CFAP92: variants seen among roughly 807,000 people sequenced by gnomAD.
CFAP92 encodes the protein cilia and flagella associated protein 92 (putative).
In CFAP92, 86 loss-of-function variants were observed where a neutral mutation model predicts 106.3. That is an observed-to-expected ratio of 0.81 (90% CI 0.68 to 0.97). CFAP92 has a LOEUF of 0.97. Among genes scored for constraint, CFAP92 ranks in the 50% least tolerant of loss-of-function variants. The pLI is 0.00. For synonymous variants in CFAP92, 477 were observed against 506.4 expected (o/e 0.94, Z 0.78); for missense variants, 1,204 against 1,283.8 (o/e 0.94, Z 0.95).
intron 2 of CFAP92, 65 bp from the exon 3 acceptor site, chr3:128,988,983 A>C: frequency 8.0e-7 from 1 of 1,248,456 alleles, no homozygotes; most frequent in South Asian, 1.4e-5. Flanking sequence ...CCGTCTCCCC[A>C]GTTCCCTGGA....
Position 128,945,495 on chromosome 3 carries a change from T to G in CFAP92, c.1834A>C (p.Arg612=). 6.5e-7 allele frequency: 1 copy of G among 1,536,132 alleles called. No individual in the cohort carries two copies. Among genetic ancestry groups the G allele is most frequent in the Non-Finnish European group, 8.7e-7 (1 of 1,146,902 alleles). ...ATTGGGCCGTGCTGGTGGCCATCTC[T>G]GGGGACCCCAAGCCCCACAACCTTC... is the stretch of plus-strand genomic sequence containing the variant. ...RRKVVGLGVP[R]DGHQHGPMPR... is the part of the protein sequence containing the mutation. Residue 612 remains arginine (R), a synonymous_variant, in exon 10 of 16, where the codon AGA becomes CGA. Transcript: ENST00000645291.
chr3:128,922,781 A>G (rs998128965), intron 12 of CFAP92, among the ~76,000 whole-genome samples: 1 of 152,228 alleles, frequency 6.6e-6, no homozygotes, highest in African/African-American at 2.4e-5. Flanking sequence ...CTATCAATTT[A>G]TGAGGTAGAG....
At chr3:128,927,407 T>C (rs1228641680) in intron 12 of CFAP92, among the ~76,000 whole-genome samples, 3 of 151,986 alleles carry the variant, frequency 2.0e-5, no homozygotes, top group African/African-American at 4.8e-5. Flanking sequence ...GGTTGTAAGA[T>C]ACAAGATCAA....
In CFAP92 at chr3:128,935,200, G is replaced by A. The variant is rs1049989092; in HGVS notation, c.2378C>T (p.Thr793Met). Residue 793 changes from threonine (T) to methionine (M), a missense_variant, in exon 11 of 16, where the codon ACG becomes ATG. By Grantham distance (81) the Thr-to-Met change is moderately conservative. Transcript: ENST00000645291. ...CACCGCCTGCTGCAGCAGCAGCTCC[G>A]TGGGCTGGAAGAGGTGCACGTGGTA... ...ILYHVHLFQP[T>M]ELLLQQAVFF... is the part of the protein sequence containing the mutation. 2.0e-5 allele frequency: 31 copies of A among 1,536,080 alleles called. No individual in the cohort carries two copies. Among genetic ancestry groups the A allele is most frequent in the African/African-American group, 5.5e-5 (4 of 73,184 alleles).
the CFAP92 span, among the ~76,000 whole-genome samples, chr3:129,020,124 C>T: frequency 6.6e-6 from 1 of 151,936 alleles, no homozygotes; most frequent in Non-Finnish European, 1.5e-5. Context: ...ACGATGCAGG[C>T]CAGATTAAAA....
the CFAP92 span, among the ~76,000 whole-genome samples, chr3:129,026,435 A>G: frequency 6.6e-6 from 1 of 152,206 alleles, no homozygotes; most frequent in African/African-American, 2.4e-5. Context: ...TGTATTCACA[A>G]TTCCAGCCGC....
chr3:128,923,294 C>T (rs570386490), intron 12 of CFAP92, among the ~76,000 whole-genome samples: 1 of 152,260 alleles, frequency 6.6e-6, no homozygotes, highest in African/African-American at 2.4e-5. Flanking sequence ...GAATGAGGAC[C>T]GACTGGAGTC....
At chr3:128,976,538 A>G (rs1943169682) in intron 6 of CFAP92, among the ~76,000 whole-genome samples, 1 of 152,168 alleles carries the variant, frequency 6.6e-6, no homozygotes, top group Admixed American at 6.5e-5. Flanking sequence ...CCTTGTCCCC[A>G]TAGCATCCAA....
At chr3:128,974,662 A>G (rs1418306039) in intron 7 of CFAP92, among the ~76,000 whole-genome samples, 1 of 151,994 alleles carries the variant, frequency 6.6e-6, no homozygotes, top group African/African-American at 2.4e-5. Flanking sequence ...CTCTACTAAA[A>G]ATACAAAAAT....
At chr3:129,014,432 G>C in the CFAP92 span, among the ~76,000 whole-genome samples, 1 of 152,228 alleles carries the variant, frequency 6.6e-6, no homozygotes, top group South Asian at 2.1e-4. The surrounding 1 kb of genome is among the most constrained non-coding windows in gnomAD (Gnocchi z 4.3). Flanking sequence ...CTGGCAGCCA[G>C]GGCCGCCTTC....
At chr3:129,019,871 C>T in the CFAP92 span, among the ~76,000 whole-genome samples, 3 of 147,808 alleles carry the variant, frequency 2.0e-5, no homozygotes, top group Non-Finnish European at 3.0e-5. Context: ...CAGATTCAAG[C>T]GATTCTCCTG....
intron 12 of CFAP92, among the ~76,000 whole-genome samples, chr3:128,929,456 C>T (rs867309709): frequency 2.6e-5 from 4 of 152,064 alleles, no homozygotes; most frequent in Non-Finnish European, 5.9e-5. Context: ...CATATTTTCA[C>T]GTAATGATTT....
the CFAP92 span, among the ~76,000 whole-genome samples, chr3:129,023,869 G>A: frequency 6.6e-6 from 1 of 152,208 alleles, no homozygotes; most frequent in South Asian, 2.1e-4. Flanking sequence ...TAGGAACTGG[G>A]AATGGTAGGA....
intron 9 of CFAP92, among the ~76,000 whole-genome samples, chr3:128,953,976 C>T (rs1379347645): frequency 1.8e-5 from 1 of 56,858 alleles, no homozygotes; most frequent in African/African-American, 2.1e-4. Flanking sequence ...TCCCAGCCGC[C>T]TGCCTTGGCC....
chr3:129,002,256 T>A lies in CFAP92; in HGVS notation n.117+318A>T, dbSNP rs1418460743. ...GCGGCTGGAGGAGGAGAATAGCAGC[T>A]TGCGCGAGTTGGTGGAGGACCTGCG... On this transcript the variant is annotated intron_variant and non_coding_transcript_variant, in intron 1 of 4. Coordinates refer to the CFAP92 transcript ENST00000510149. 2.6e-6 allele frequency: 4 copies of A among 1,531,232 alleles called. No homozygotes were observed. The South Asian group carries it at 4.8e-5, about 18-fold the overall frequency. The allele number at this position is 1,531,232 out of a possible 1,614,324, so 94.9% of individuals were successfully genotyped here. A position where few individuals can be genotyped will look rare whatever the true frequency, so the allele number is the denominator to read the frequency against.
intron 15 of CFAP92, chr3:128,914,559 C>T (rs1468473058): frequency 6.6e-6 from 1 of 152,516 alleles, no homozygotes; most frequent in Non-Finnish European, 1.5e-5. Flanking sequence ...AACAAAGGTT[C>T]TGGCTCTGTT....
upstream of CFAP92, among the ~76,000 whole-genome samples, chr3:128,997,885 A>G (rs544783773): frequency 1.3e-5 from 2 of 152,304 alleles, no homozygotes; most frequent in South Asian, 2.1e-4. Flanking sequence ...CTGCCAAACT[A>G]TCTTCCACAG....
At chr3:129,015,040 C>T in the CFAP92 span, among the ~76,000 whole-genome samples, 5 of 152,202 alleles carry the variant, frequency 3.3e-5, no homozygotes, top group African/African-American at 1.2e-4. Context: ...CCAGCTCCAT[C>T]AGAACCACGG....
rs902715088 is a variant in CFAP92 at position 128,987,739 on chromosome 3, T to C, written c.544A>G (p.Ile182Val). The C allele has an allele frequency of 6.2e-6, 10 of 1,613,904 alleles. No individual in the cohort carries two copies. Among genetic ancestry groups the C allele is most frequent in the Non-Finnish European group, 6.8e-6 (8 of 1,179,878 alleles). Reference protein sequence around the residue: ...ITVTKELLKKINFHKITLRLW... With the variant: ...ITVTKELLKKVNFHKITLRLW... ...CTCAAGGTGATTTTGTGGAAATTTA[T>C]TTTCTTTAATAATTCCTTTGTCACA... Residue 182 changes from isoleucine to valine, a missense_variant, in exon 4 of 16, where the codon ATA becomes GTA. Physicochemically the swap from Ile to Val is conservative, Grantham distance 29. Transcript: ENST00000645291.
Sources: allele counts gnomAD v4.1 joint callset (sites outside exome capture counted in the v4.1 genomes callset), GRCh38; gene constraint gnomAD v4.1.1; non-coding constraint Gnocchi (gnomAD v3.1); transcripts MANE v1.5; gene names NCBI Gene and HGNC (gene_info 2026-07-23, HGNC 2026-07-21).